The following SCN8A variants were observed in gnomAD, a reference collection of about 807,000 sequenced individuals.
The protein encoded by SCN8A is sodium channel protein type 8 subunit alpha.
A neutral mutation model predicts 184.1 loss-of-function variants in SCN8A; 30 were observed. That is an observed-to-expected ratio of 0.16 (90% CI 0.12 to 0.22). SCN8A has a LOEUF of 0.22. Among genes scored for constraint, SCN8A ranks in the 10% least tolerant of loss-of-function variants. The pLI is 1.00. For synonymous variants in SCN8A, 852 were observed against 907.0 expected (o/e 0.94, Z 1.09); for missense variants, 1,057 against 2,498.9 (o/e 0.42, Z 12.30).
intron 17 of SCN8A, 107 bp downstream of exon 17, chr12:51,769,442 T>A: frequency 1.4e-6 from 1 of 740,516 alleles, no homozygotes; most frequent in Non-Finnish European, 2.2e-6. Flanking sequence ...GATTCTGGAA[T>A]AACCAATTTA....
chr12:51,783,944 G>C (rs1938002545), intron 21 of SCN8A, among the ~76,000 whole-genome samples: 1 of 152,140 alleles, frequency 6.6e-6, no homozygotes. Context: ...CTAAAACCTA[G>C]CTTTGAGTGA....
intron 8 of SCN8A, 72 bp downstream of exon 8, chr12:51,701,279 C>A: frequency 1.1e-6 from 1 of 938,250 alleles, no homozygotes; most frequent in Non-Finnish European, 1.6e-6. Context: ...TCAAAATAGG[C>A]AATATGTTTA....
rs941957889 is a variant in SCN8A, at chr12:51,783,803, C to T, written c.3943-2739C>T. ...GTATTTATTGAGCAACAATAATGTC[C>T]GAGACATTATAGAGAAGACAAAAAT... On this transcript the variant is annotated intron_variant, in intron 21 of 26. Transcript: ENST00000627620. Among the ~76,000 whole-genome samples the T allele has an allele frequency of 7.2e-5, 11 of 151,924 alleles. No homozygotes were observed. The South Asian group carries it at 1.3e-3, about 17-fold the overall frequency.
At chr12:51,786,358 A>G (rs1271140931) in intron 21 of SCN8A, among the ~76,000 whole-genome samples, 184 bp from the exon 22 acceptor site, 4 of 152,238 alleles carry the variant, frequency 2.6e-5, no homozygotes, top group Admixed American at 6.5e-5. Context: ...AATTCCTTCA[A>G]TATAGTCCTA....
At chr12:51,763,907 G>A (rs1942798895) in intron 15 of SCN8A, among the ~76,000 whole-genome samples, 1 of 152,214 alleles carries the variant, frequency 6.6e-6, no homozygotes, top group Admixed American at 6.5e-5. Flanking sequence ...ACTGGAAAAA[G>A]TGAAACTATT....
At chr12:51,800,039 T>C (rs1405799022) in intron 26 of SCN8A, among the ~76,000 whole-genome samples, 1 of 152,214 alleles carries the variant, frequency 6.6e-6, no homozygotes, top group Non-Finnish European at 1.5e-5. Context: ...CATCATGATA[T>C]CTTGTGGAAG....
At chr12:51,697,134 C>T (rs183557706) in intron 6 of SCN8A, among the ~76,000 whole-genome samples, 39 of 152,102 alleles carry the variant, frequency 2.6e-4, no homozygotes, top group Non-Finnish European at 3.4e-4. Context: ...GTCTGATGCT[C>T]TTTCTGCACA....
At chr12:51,669,280 C>T (rs1384961693) in intron 2 of SCN8A, among the ~76,000 whole-genome samples, 1 of 151,964 alleles carries the variant, frequency 6.6e-6, no homozygotes, top group East Asian at 1.9e-4. Context: ...AATATAAAAC[C>T]TTGTTTTAGT....
rs1377347247 is a variant in SCN8A at position 51,812,146 on chromosome 12, TGCCCCC to T, written c.*4718_*4723del. On this transcript the variant is annotated 3_prime_UTR_variant, in exon 27 of 27. Coordinates refer to ENST00000627620, the MANE Select transcript of SCN8A (RefSeq NM_001330260.2). ...AAACTCCTGAGGCACCCCCTGCCCC[TGCCCCC>T]CACTGCTGTTTGCTGTACATAGAGG... The T allele has an allele frequency of 2.2e-5, 3 of 138,806 alleles. No homozygotes were observed. In the East Asian group the frequency reaches 7.6e-4, roughly 35 times the overall value. 8.6% of individuals were successfully genotyped at this position (138,806 alleles called of 1,614,324 possible).
At chr12:51,772,677 C>CA (rs1942944278) in intron 19 of SCN8A, among the ~76,000 whole-genome samples, 2 of 151,900 alleles carry the variant, frequency 1.3e-5, no homozygotes. Context: ...CTGTCCCCCC[C>CA]ACTGCCTGTT....
intron 20 of SCN8A, 108 bp from the exon 21 acceptor site, chr12:51,780,541 C>T (rs1937866475): frequency 7.8e-6 from 6 of 769,658 alleles, no homozygotes; most frequent in Non-Finnish European, 8.6e-6. Context: ...TTTATTCTAA[C>T]ACTCTGGAAC....
intron 1 of SCN8A, among the ~76,000 whole-genome samples, chr12:51,612,329 T>G (rs1939739383): frequency 6.6e-6 from 1 of 152,150 alleles, no homozygotes; most frequent in Non-Finnish European, 1.5e-5. Flanking sequence ...ACTTGGCTAA[T>G]TTTTAAAATT....
chr12:51,758,313 C>G (rs948044215), intron 14 of SCN8A, among the ~76,000 whole-genome samples: 4 of 152,188 alleles, frequency 2.6e-5, no homozygotes, highest in African/African-American at 9.7e-5. Context: ...CACAATAATA[C>G]ACCTATCACA....
intron 26 of SCN8A, among the ~76,000 whole-genome samples, chr12:51,801,611 G>C (rs561863480): frequency 6.6e-6 from 1 of 152,102 alleles, no homozygotes; most frequent in Admixed American, 6.5e-5. Flanking sequence ...TTAACTCCCC[G>C]AGCTGCGATA....
At chr12:51,668,675 A>G (rs567769459) in intron 2 of SCN8A, among the ~76,000 whole-genome samples, 85 of 152,290 alleles carry the variant, frequency 5.6e-4, no homozygotes, top group African/African-American at 1.9e-3. Flanking sequence ...TTCTCAAGTC[A>G]AGGAGCTCTG....
chr12:51,624,497 A>G (rs1940032818), intron 1 of SCN8A, among the ~76,000 whole-genome samples: 1 of 151,848 alleles, frequency 6.6e-6, no homozygotes, highest in Non-Finnish European at 1.5e-5. Context: ...AGTTCATTGT[A>G]GATTCTGGAT....
rs866054004 is a variant in SCN8A at position 51,721,742 on chromosome 12, G to A, written c.1832G>A (p.Arg611Gln). ...LFIPIRARERRSSYSGYSGYS... is the reference protein window; with the variant it reads ...LFIPIRARERQSSYSGYSGYS... ...ATCCCCATCCGGGCCCGCGAGCGCC[G>A]GAGCAGCTACAGCGGCTACAGCGGC... Residue 611 changes from arginine (R) to glutamine (Q), a missense_variant, in exon 12 of 27, where the codon CGG (arginine) becomes CAG (glutamine). Physicochemically the swap from Arg to Gln is conservative, Grantham distance 43. Transcript: ENST00000627620. The A allele has an allele frequency of 4.4e-6, 7 of 1,606,432 alleles. No individual in the cohort carries two copies. The highest frequency in any genetic ancestry group is 1.3e-5 in the African/African-American group (1 of 74,766).
intron 12 of SCN8A, among the ~76,000 whole-genome samples, chr12:51,742,721 C>T (rs1555223550): frequency 6.6e-6 from 1 of 151,820 alleles, no homozygotes; most frequent in Non-Finnish European, 1.5e-5. Flanking sequence ...TCTTCTTGTA[C>T]TTGAATGTTG....
intron 15 of SCN8A, among the ~76,000 whole-genome samples, chr12:51,764,176 TG>T (rs1007654768): frequency 1.5e-4 from 23 of 152,344 alleles, no homozygotes; most frequent in African/African-American, 5.3e-4. Flanking sequence ...TTGAACTCTC[TG>T]ATAAGATAAC....
Sources: gnomAD v4.1 joint callset for allele counts (sites outside exome capture counted in the v4.1 genomes callset) on GRCh38, gnomAD v4.1.1 for gene constraint, MANE v1.5 for transcripts, NCBI Gene and HGNC (gene_info 2026-07-23, HGNC 2026-07-21) for gene names.